WWOX: variants seen among roughly 807,000 people sequenced by gnomAD.
The protein encoded by WWOX is WW domain-containing oxidoreductase.
Under a neutral mutation model 46.2 loss-of-function variants are expected in WWOX, and 69 were observed. That is an observed-to-expected ratio of 1.49 (90% confidence interval 1.23 to 1.82). WWOX has a LOEUF of 1.82. Ranked by LOEUF, WWOX falls within the 40% of genes most tolerant of loss-of-function variation. The pLI, the probability that WWOX is intolerant of heterozygous loss-of-function variation, is 0.00. For missense variants in WWOX, 919 were observed against 542.6 expected (o/e 1.69, Z -6.89); for synonymous variants, 359 against 202.6 (o/e 1.77, Z -6.56).
At chr16:78,197,207 C>G (rs2036081488) in intron 5 of WWOX, among the ~76,000 whole-genome samples, 1 of 152,148 alleles carries the variant, frequency 6.6e-6, no homozygotes, top group Non-Finnish European at 1.5e-5. Context: ...CAGCCAGGGT[C>G]CGTCAGCTGT....
intron 8 of WWOX, among the ~76,000 whole-genome samples, chr16:79,037,430 G>A (rs1361606600): frequency 6.6e-6 from 1 of 152,136 alleles, no homozygotes; most frequent in African/African-American, 2.4e-5. Context: ...TGTATGCTGG[G>A]TACTAGACTG....
chr16:78,597,775 TATATAA>T (rs1485969384), intron 8 of WWOX, among the ~76,000 whole-genome samples: 4 of 146,350 alleles, frequency 2.7e-5, no homozygotes, highest in African/African-American at 7.8e-5. Context: ...TATATATATA[TATATAA>T]AATATATTTC....
chr16:78,790,099 C>G (rs551214934), intron 8 of WWOX, among the ~76,000 whole-genome samples: 110 of 152,180 alleles, frequency 7.2e-4, no homozygotes, highest in South Asian at 2.7e-3. Flanking sequence ...TACCTAAAAT[C>G]GAGTACTGTT....
chr16:79,188,099 G>A (rs2051056158), intron 8 of WWOX, among the ~76,000 whole-genome samples: 1 of 152,156 alleles, frequency 6.6e-6, no homozygotes, highest in South Asian at 2.1e-4. Flanking sequence ...GTACAGTGTA[G>A]AGTCACTTTG....
At chr16:78,392,498 T>A (rs1206014186) in intron 6 of WWOX, among the ~76,000 whole-genome samples, 1 of 152,124 alleles carries the variant, frequency 6.6e-6, no homozygotes, top group Admixed American at 6.6e-5. Context: ...TGTCATCTGC[T>A]TGAATCGTCC....
At chr16:78,426,124 C>G (rs570269439) in intron 7 of WWOX, among the ~76,000 whole-genome samples, 2 of 152,094 alleles carry the variant, frequency 1.3e-5, no homozygotes, top group Non-Finnish European at 2.9e-5. Flanking sequence ...AGTAATAATC[C>G]TCCCCCGTGT....
At chr16:78,779,723 C>T (rs1019214822) in intron 8 of WWOX, among the ~76,000 whole-genome samples, 1 of 152,174 alleles carries the variant, frequency 6.6e-6, no homozygotes, top group South Asian at 2.1e-4. Context: ...AGCTTGTTCT[C>T]CTAACCAGGA....
intron 8 of WWOX, among the ~76,000 whole-genome samples, chr16:79,014,950 T>C (rs80334596): frequency 1.3e-5 from 2 of 152,186 alleles, no homozygotes; most frequent in Non-Finnish European, 2.9e-5. Context: ...CTCTGTGATA[T>C]GTAGGAGAAG....
At position 78,603,609 on chromosome 16, in the gene WWOX, G is replaced by T. The variant is rs567623317; in HGVS notation, c.1056+170857G>T. Reference sequence around the variant, plus strand: ...CTCAGGAGACTGAGGCAGGAGAATCGCTTGAACCCAGGAGGAGGAGGTTGC... The same window carrying T: ...CTCAGGAGACTGAGGCAGGAGAATCTCTTGAACCCAGGAGGAGGAGGTTGC... On this transcript the variant is annotated intron_variant, in intron 8 of 8. Coordinates refer to ENST00000566780, the MANE Select transcript of WWOX (RefSeq NM_016373.4). 9.8e-4 allele frequency among the ~76,000 whole-genome samples: 149 copies of T among 152,244 alleles called. 2 individuals are homozygous for T. Among genetic ancestry groups the T allele is most frequent in the Non-Finnish European group, 1.7e-3 (117 of 68,026 alleles).
chr16:78,588,477 G>C lies in WWOX; in HGVS notation c.1056+155725G>C, dbSNP rs926044170. On this transcript the variant is annotated intron_variant, in intron 8 of 8. Coordinates refer to ENST00000566780, the MANE Select transcript of WWOX (RefSeq NM_016373.4). ...CAAAAATCTGCCCTGTTTGGGCTCT[G>C]AAAGTTATTTTTGTAGTGGCCTCAC... Among the ~76,000 whole-genome samples the C allele has an allele frequency of 5.3e-5, 8 of 152,300 alleles. No individual in the cohort carries two copies. In the East Asian group the frequency reaches 9.7e-4, roughly 18 times the overall value.
intron 8 of WWOX, among the ~76,000 whole-genome samples, chr16:79,070,268 A>ATGTGTGTGTGTGTGTGTGTGTG (rs4035490): frequency 3.9e-4 from 57 of 145,194 alleles, no homozygotes; most frequent in African/African-American, 1.1e-3. Flanking sequence ...TGTGTTTCTG[A>ATGTGTGTGTGTGTGTGTGTGTG]TGTGTGTGTG....
At chr16:79,040,494 T>C (rs1172872763) in intron 8 of WWOX, among the ~76,000 whole-genome samples, 2 of 152,050 alleles carry the variant, frequency 1.3e-5, no homozygotes, top group African/African-American at 4.8e-5. Flanking sequence ...CAGGCTGGTC[T>C]CGAACTCCTG....
intron 5 of WWOX, among the ~76,000 whole-genome samples, chr16:78,356,751 A>G (rs2081302187): frequency 6.6e-6 from 1 of 152,114 alleles, no homozygotes; most frequent in African/African-American, 2.4e-5. Context: ...GCATAGTGGC[A>G]TGAGCCTGTA....
chr16:79,134,964 C>G (rs1398144280), intron 8 of WWOX, among the ~76,000 whole-genome samples: 1 of 152,098 alleles, frequency 6.6e-6, no homozygotes, highest in Non-Finnish European at 1.5e-5. Context: ...CAGACAGGAG[C>G]TACATACATT....
chr16:78,935,789 T>C (rs1177630481), intron 8 of WWOX, among the ~76,000 whole-genome samples: 1 of 152,052 alleles, frequency 6.6e-6, no homozygotes, highest in East Asian at 1.9e-4. Context: ...GGCACCTGCC[T>C]GTACCCCAGC....
At chr16:78,641,173 C>T (rs1391930284) in intron 8 of WWOX, among the ~76,000 whole-genome samples, 3 of 151,976 alleles carry the variant, frequency 2.0e-5, no homozygotes, top group African/African-American at 2.4e-5. Context: ...AAATGACCCC[C>T]GTTGACAACA....
intron 4 of WWOX, among the ~76,000 whole-genome samples, chr16:78,127,593 GA>G (rs2033415564): frequency 6.6e-6 from 1 of 150,542 alleles, no homozygotes; most frequent in Non-Finnish European, 1.5e-5. Flanking sequence ...AAACTTGGGG[GA>G]AAAAGAGAAG....
At chr16:78,881,110 G>A (rs2044334874) in intron 8 of WWOX, among the ~76,000 whole-genome samples, 1 of 150,404 alleles carries the variant, frequency 6.6e-6, no homozygotes, top group African/African-American at 2.4e-5. Flanking sequence ...TCCTACCTCA[G>A]CCTCCCAAGG....
intron 8 of WWOX, among the ~76,000 whole-genome samples, chr16:78,586,395 A>G (rs1190003153): frequency 6.6e-6 from 1 of 152,120 alleles, no homozygotes; most frequent in Non-Finnish European, 1.5e-5. Context: ...CCTTCCTGGC[A>G]AAATGGGGAG....
Sources: gnomAD v4.1 joint callset for allele counts (sites outside exome capture counted in the v4.1 genomes callset) on GRCh38, gnomAD v4.1.1 for gene constraint, MANE v1.5 for transcripts, NCBI Gene and HGNC (gene_info 2026-07-23, HGNC 2026-07-21) for gene names.